The following TULP4 variants were observed in gnomAD, a reference collection of about 807,000 sequenced individuals.
TULP4 encodes the protein tubby-related protein 4.
TULP4 carries 16 observed loss-of-function variants against 129.0 expected under a neutral mutation model. The ratio of observed to expected loss-of-function variants is 0.12; its 90% confidence interval spans 0.08 to 0.19. TULP4 has a LOEUF of 0.19. Among genes scored for constraint, TULP4 ranks in the 10% least tolerant of loss-of-function variants. The pLI, the probability that TULP4 is intolerant of heterozygous loss-of-function variation, is 1.00. For missense variants in TULP4, 1,842 were observed against 2,059.1 expected, an observed-to-expected ratio of 0.89 and a Z score of 2.04; for synonymous variants, 998 against 854.0, an observed-to-expected ratio of 1.17 and a Z score of -2.94.
At chr6:158,457,864 C>T (rs1450841444) in intron 5 of TULP4, among the ~76,000 whole-genome samples, 1 of 152,072 alleles carries the variant, frequency 6.6e-6, no homozygotes, top group African/African-American at 2.4e-5. Context: ...TTGCCCACGT[C>T]GTCCTCATTG....
chr6:158,343,358 G>A (rs1780227925), intron 1 of TULP4, among the ~76,000 whole-genome samples: 1 of 152,118 alleles, frequency 6.6e-6, no homozygotes, highest in East Asian at 1.9e-4. Flanking sequence ...TTCTAACCAA[G>A]CCAAATGCAA....
In TULP4 at chr6:158,493,738, T is replaced by C. The variant is rs1780267173; in HGVS notation, c.1776+21T>C. On this transcript the variant is annotated intron_variant, in intron 10 of 13. Transcript: ENST00000367097. This position sits in a 1 kb window ranked among gnomAD's most constrained non-coding sequence, Gnocchi z 4.4. ...CTCAGGTAGGAGCCCCCAGTTACCC[T>C]GCCTTGCTCCCCTCCTCCTGGGGGC... 3.9e-6 allele frequency: 6 copies of C among 1,522,868 alleles called. No individual in the cohort carries two copies. Among genetic ancestry groups the C allele is most frequent in the Non-Finnish European group, 5.3e-6 (6 of 1,134,096 alleles). The allele number at this position is 1,522,868 out of a possible 1,614,324, so 94.3% of individuals were successfully genotyped here.
chr6:158,378,360 C>G (rs575918692), intron 1 of TULP4, among the ~76,000 whole-genome samples: 104 of 151,080 alleles, frequency 6.9e-4, no homozygotes, highest in Non-Finnish European at 1.3e-3. Context: ...TAATGTATAC[C>G]AAGCATATTA....
intron 1 of TULP4, among the ~76,000 whole-genome samples, chr6:158,394,579 C>A (rs983109537): frequency 2.6e-5 from 4 of 151,548 alleles, no homozygotes; most frequent in Non-Finnish European, 5.9e-5. Context: ...GTCAGGAGAT[C>A]GAGACCATCC....
chr6:158,454,025 C>A (rs1212708163), intron 5 of TULP4, among the ~76,000 whole-genome samples: 2 of 148,056 alleles, frequency 1.4e-5, no homozygotes, highest in Non-Finnish European at 3.0e-5. Context: ...TGCACCGCCC[C>A]CCCCCAAGTA....
chr6:158,327,628 T>C (rs1035064248), intron 1 of TULP4, among the ~76,000 whole-genome samples: 1 of 152,202 alleles, frequency 6.6e-6, no homozygotes, highest in Non-Finnish European at 1.5e-5. Context: ...ATGGGCACTA[T>C]ATTTTCTCAT....
intron 1 of TULP4, among the ~76,000 whole-genome samples, chr6:158,299,125 A>G (rs950713051): frequency 2.6e-5 from 4 of 151,916 alleles, no homozygotes; most frequent in Admixed American, 6.6e-5. Context: ...GAGTATCCAT[A>G]CTAGGCCTCG....
chr6:158,379,756 C>G (rs1777281814), intron 1 of TULP4, among the ~76,000 whole-genome samples: 1 of 152,152 alleles, frequency 6.6e-6, no homozygotes, highest in Non-Finnish European at 1.5e-5. Flanking sequence ...GGAGGGGGAC[C>G]TGGGAGACCC....
At chr6:158,374,178 G>A (rs1777132466) in intron 1 of TULP4, among the ~76,000 whole-genome samples, 1 of 151,984 alleles carries the variant, frequency 6.6e-6, no homozygotes, top group Non-Finnish European at 1.5e-5. Flanking sequence ...CCCCAGCTAC[G>A]TGGGAGGCTG....
rs1227720723 is a variant in TULP4 at position 158,380,894 on chromosome 6, CAAAAA to C, written c.253-32157_253-32153del. 8.3e-5 allele frequency among the ~76,000 whole-genome samples: 6 copies of C among 72,256 alleles called. 1 individual carries two copies. The highest frequency in any genetic ancestry group is 8.2e-4 in the Admixed American group (5 of 6,084). 47.4% of individuals were successfully genotyped at this position (72,256 alleles called of 152,430 possible). A position where few individuals can be genotyped will look rare whatever the true frequency, so the allele number is the denominator to read the frequency against. On this transcript the variant is annotated intron_variant, in intron 1 of 13. Coordinates refer to ENST00000367097, the MANE Select transcript of TULP4 (RefSeq NM_020245.5). ...GGGCGACAGAGCAAGACTCTGTCTCCAAAAAAAAAAAAAAAAAAGAAGAAGAAGAA... is the reference window on the plus strand; with the variant it reads ...GGGCGACAGAGCAAGACTCTGTCTCCAAAAAAAAAAAAAGAAGAAGAAGAA...
chr6:158,391,424 G>A (rs11757895), intron 1 of TULP4, among the ~76,000 whole-genome samples: 1 of 152,150 alleles, frequency 6.6e-6, no homozygotes. Context: ...ACTTAGGCCA[G>A]TTCATTGTTA....
chr6:158,368,050 T>C (rs947398851), intron 1 of TULP4, among the ~76,000 whole-genome samples: 1 of 103,660 alleles, frequency 9.6e-6, no homozygotes, highest in African/African-American at 3.8e-5. Flanking sequence ...CACTCCAGCC[T>C]GGGTGACCCT....
chr6:158,320,101 G>A (rs1779590846), intron 1 of TULP4, among the ~76,000 whole-genome samples: 1 of 152,166 alleles, frequency 6.6e-6, no homozygotes, highest in Non-Finnish European at 1.5e-5. Context: ...CCTTTGATTA[G>A]CAGTGTTATG....
chr6:158,424,799 G>A (rs931611302), intron 2 of TULP4, among the ~76,000 whole-genome samples: 1 of 152,062 alleles, frequency 6.6e-6, no homozygotes, highest in African/African-American at 2.4e-5. Context: ...CAAAAGATGT[G>A]TAGATGATCA....
intron 9 of TULP4, among the ~76,000 whole-genome samples, chr6:158,491,647 A>G (rs1780213636): frequency 6.8e-6 from 1 of 146,512 alleles, no homozygotes; most frequent in Non-Finnish European, 1.5e-5. Flanking sequence ...CTTGTGCCAC[A>G]TGACCGGCTA....
At chr6:158,286,206 A>T (rs1447083398) in intron 1 of TULP4, among the ~76,000 whole-genome samples, 3 of 152,206 alleles carry the variant, frequency 2.0e-5, no homozygotes, top group African/African-American at 7.2e-5. Flanking sequence ...ATTTACTGAA[A>T]TTTGTGCTAG....
intron 1 of TULP4, among the ~76,000 whole-genome samples, chr6:158,234,494 A>G (rs1274472693): frequency 6.6e-6 from 1 of 152,242 alleles, no homozygotes; most frequent in Non-Finnish European, 1.5e-5. Context: ...TACCATGTGC[A>G]TGGCTAAGCT....
intron 1 of TULP4, among the ~76,000 whole-genome samples, chr6:158,379,147 G>A (rs1253651900): frequency 2.0e-5 from 3 of 152,178 alleles, no homozygotes; most frequent in Non-Finnish European, 4.4e-5. Flanking sequence ...GATGTATTCT[G>A]AAGGTAGAGT....
intron 1 of TULP4, among the ~76,000 whole-genome samples, chr6:158,291,177 C>T (rs1254772400): frequency 6.6e-6 from 1 of 152,124 alleles, no homozygotes; most frequent in South Asian, 2.1e-4. Flanking sequence ...GTTTCTTAGA[C>T]CTTCCTTCTG....
Sources: gnomAD v4.1 joint callset for allele counts (sites outside exome capture counted in the v4.1 genomes callset) on GRCh38, gnomAD v4.1.1 for gene constraint, Gnocchi (gnomAD v3.1) non-coding constraint, MANE v1.5 for transcripts, NCBI Gene and HGNC (gene_info 2026-07-23, HGNC 2026-07-21) for gene names.